SLC9A9: variants seen among roughly 807,000 people sequenced by gnomAD.
SLC9A9 encodes the protein sodium/hydrogen exchanger 9.
Under a neutral mutation model 77.8 loss-of-function variants are expected in SLC9A9, and 62 were observed. The ratio of observed to expected loss-of-function variants is 0.80; its 90% confidence interval spans 0.65 to 0.98. The LOEUF (loss-of-function observed/expected upper bound fraction) is 0.98, where lower values mean the gene tolerates loss of function less well. SLC9A9 is among the 50% of genes least tolerant of loss of function. SLC9A9 has a pLI of 0.00. For missense variants in SLC9A9, 775 were observed against 774.9 expected (o/e 1.00, Z 0.00); for synonymous variants, 320 against 283.5 (o/e 1.13, Z -1.29).
At chr3:143,335,531 T>C (rs748863605) in intron 14 of SLC9A9, among the ~76,000 whole-genome samples, 1 of 152,174 alleles carries the variant, frequency 6.6e-6, no homozygotes, top group African/African-American at 2.4e-5. Context: ...ATTACAAGGC[T>C]ATAGTATTCA....
chr3:143,466,596 T>C (rs930407212), intron 12 of SLC9A9, among the ~76,000 whole-genome samples: 1 of 152,232 alleles, frequency 6.6e-6, no homozygotes, highest in South Asian at 2.1e-4. Flanking sequence ...GCATTTCCTA[T>C]GTCCCTGTTT....
intron 12 of SLC9A9, among the ~76,000 whole-genome samples, chr3:143,432,080 A>T (rs1157600939): frequency 1.3e-5 from 2 of 151,702 alleles, no homozygotes. Flanking sequence ...ACCACTTATC[A>T]CCTGATATAC....
chr3:143,754,212 C>A (rs952423679), intron 4 of SLC9A9, among the ~76,000 whole-genome samples: 9 of 152,186 alleles, frequency 5.9e-5, no homozygotes, highest in Non-Finnish European at 1.0e-4. Flanking sequence ...AAAACATAAC[C>A]ATGGCAATGA....
intron 13 of SLC9A9, among the ~76,000 whole-genome samples, chr3:143,370,951 T>G (rs577077336): frequency 4.1e-4 from 63 of 151,946 alleles, no homozygotes; most frequent in African/African-American, 1.5e-3. Flanking sequence ...GTCATTCTCT[T>G]GAAGGTAAGG....
At chr3:143,342,472 C>T (rs2108465164) in intron 14 of SLC9A9, among the ~76,000 whole-genome samples, 1 of 152,268 alleles carries the variant, frequency 6.6e-6, no homozygotes, top group Non-Finnish European at 1.5e-5. Context: ...TAGATGATTC[C>T]TCATGAGGTC....
At position 143,578,731 on chromosome 3, in the gene SLC9A9, G is replaced by A. The variant is rs1365608640; in HGVS notation, c.756-8C>T. The stretch of plus-strand genomic sequence containing the variant: ...CTGTAAATGGATATAGAACTGAAAA[G>A]AGAAGAGGGTGGAGGTTAGTTAGTG... On this transcript the variant is annotated splice_polypyrimidine_tract_variant and splice_region_variant and intron_variant, in intron 6 of 15. Transcript: ENST00000316549. 2.5e-6 allele frequency: 4 copies of A among 1,613,808 alleles called. No homozygotes were observed. Among genetic ancestry groups the A allele is most frequent in the African/African-American group, 2.7e-5 (2 of 74,928 alleles).
intron 4 of SLC9A9, among the ~76,000 whole-genome samples, chr3:143,785,910 G>T (rs568662165): frequency 1.7e-3 from 233 of 140,838 alleles, no homozygotes; most frequent in Non-Finnish European, 2.9e-3. Context: ...AGGCTGGAGT[G>T]CAGTGGCGCG....
intron 9 of SLC9A9, among the ~76,000 whole-genome samples, chr3:143,505,347 G>A (rs1334632343): frequency 6.6e-6 from 1 of 152,088 alleles, no homozygotes; most frequent in East Asian, 1.9e-4. Context: ...GTTTTGCCCT[G>A]TGCCCTACAG....
chr3:143,810,985 T>C (rs1280571778), intron 2 of SLC9A9, among the ~76,000 whole-genome samples: 2 of 152,214 alleles, frequency 1.3e-5, no homozygotes, highest in East Asian at 3.9e-4. Flanking sequence ...TGAAGCAGCA[T>C]ATGAGTTGGA....
chr3:143,410,104 A>G (rs2034063684), intron 12 of SLC9A9, among the ~76,000 whole-genome samples: 1 of 152,148 alleles, frequency 6.6e-6, no homozygotes, highest in Admixed American at 6.5e-5. Flanking sequence ...CCCTGTCCCA[A>G]TCTCCTAGGA....
At chr3:143,611,117 A>G (rs958496786) in intron 6 of SLC9A9, among the ~76,000 whole-genome samples, 1 of 152,206 alleles carries the variant, frequency 6.6e-6, no homozygotes, top group Non-Finnish European at 1.5e-5. Context: ...AAATTTCAGA[A>G]AAACAAAAAA....
chr3:143,424,530 G>A (rs575700961), intron 12 of SLC9A9, among the ~76,000 whole-genome samples: 9 of 151,834 alleles, frequency 5.9e-5, no homozygotes, highest in African/African-American at 1.9e-4. Context: ...ACCTGCCTCC[G>A]CCTCCCCAAG....
chr3:143,626,173 G>A (rs2038322057), intron 6 of SLC9A9, among the ~76,000 whole-genome samples: 1 of 152,242 alleles, frequency 6.6e-6, no homozygotes, highest in Admixed American at 6.5e-5. Flanking sequence ...TGGTGGGACT[G>A]TAAACTAGTT....
At chr3:143,378,205 G>A (rs559670570) in intron 13 of SLC9A9, among the ~76,000 whole-genome samples, 8 of 152,280 alleles carry the variant, frequency 5.3e-5, no homozygotes, top group African/African-American at 1.9e-4. Context: ...CTTTGAATTG[G>A]TAACTCCTGA....
At chr3:143,402,447 GTTT>G (rs11292780) in intron 12 of SLC9A9, among the ~76,000 whole-genome samples, 57 of 110,388 alleles carry the variant, frequency 5.2e-4, no homozygotes, top group African/African-American at 1.4e-3. Context: ...GCACCTTTGT[GTTT>G]TTTTTTTTTT....
intron 4 of SLC9A9, among the ~76,000 whole-genome samples, chr3:143,742,722 C>T (rs1035816238): frequency 3.3e-5 from 5 of 151,888 alleles, no homozygotes; most frequent in African/African-American, 1.2e-4. Context: ...TAATAATATA[C>T]CAAAATTTAG....
At chr3:143,377,031 TG>T (rs2033194615) in intron 13 of SLC9A9, among the ~76,000 whole-genome samples, 2 of 152,180 alleles carry the variant, frequency 1.3e-5, no homozygotes, top group African/African-American at 4.8e-5. Context: ...GTTTGGGGGA[TG>T]GGTATGTTAA....
At chr3:143,323,152 T>A (rs2031474508) in intron 14 of SLC9A9, among the ~76,000 whole-genome samples, 1 of 152,214 alleles carries the variant, frequency 6.6e-6, no homozygotes, top group Non-Finnish European at 1.5e-5. Flanking sequence ...GAACAGCCAC[T>A]GTGGAAATTG....
At chr3:143,339,055 C>T (rs2032012248) in intron 14 of SLC9A9, among the ~76,000 whole-genome samples, 1 of 152,146 alleles carries the variant, frequency 6.6e-6, no homozygotes, top group South Asian at 2.1e-4. Flanking sequence ...CCTTCAGATG[C>T]TATAATTTAA....
Sources: gnomAD v4.1 joint callset for allele counts (sites outside exome capture counted in the v4.1 genomes callset) on GRCh38, gnomAD v4.1.1 for gene constraint, MANE v1.5 for transcripts, NCBI Gene and HGNC (gene_info 2026-07-23, HGNC 2026-07-21) for gene names.